COX18: variants seen among roughly 807,000 people sequenced by gnomAD.
COX18 encodes cytochrome c oxidase assembly protein COX18, mitochondrial.
In COX18, 45 loss-of-function variants were observed where a neutral mutation model predicts 38.0. The observed-to-expected ratio is 1.18, with a 90% CI of 0.93 to 1.52. The LOEUF (loss-of-function observed/expected upper bound fraction) is 1.52, where lower values mean the gene tolerates loss of function less well. COX18 is among the 40% of genes most tolerant of loss of function. The probability of loss-of-function intolerance (pLI) is 0.00; values close to 1 mark genes in which losing one functional copy is unlikely to be tolerated. For synonymous variants in COX18, 177 were observed against 169.8 expected (o/e 1.04, Z -0.33); for missense variants, 462 against 423.8 (o/e 1.09, Z -0.79).
rs10610509 is a variant in COX18, at chr4:73,067,954, ATGTGTGTGTGTGTG to A, written c.434+61_434+74del. ...TTATAATTAACATCACAATTTATGT[ATGTGTGTGTGTGTG>A]TGTGTGTGTGTGTGTGTGTGTATGT... On this transcript the variant is annotated intron_variant, in intron 2 of 5. Transcript: ENST00000507544. 674 of 597,478 alleles carry A rather than the reference ATGTGTGTGTGTGTG, an allele frequency of 1.1e-3. 4 individuals are homozygous for A. The highest frequency in any genetic ancestry group is 2.8e-3 in the Middle Eastern group (10 of 3,590). 37.0% of individuals were successfully genotyped at this position (597,478 alleles called of 1,614,324 possible). A position where few individuals can be genotyped will look rare whatever the true frequency, so the allele number is the denominator to read the frequency against.
intron 2 of COX18, among the ~76,000 whole-genome samples, chr4:73,066,945 A>G (rs1260703726): frequency 6.6e-6 from 1 of 152,234 alleles, no homozygotes; most frequent in Non-Finnish European, 1.5e-5. Flanking sequence ...TTGATACCAC[A>G]AAGGCCTTTT....
In COX18 at chr4:73,060,757, G is replaced by A. The variant is rs144333150; in HGVS notation, c.831+1056C>T. On this transcript the variant is annotated intron_variant, in intron 5 of 5. Coordinates refer to ENST00000507544, the MANE Select transcript of COX18 (RefSeq NM_001297732.2). ...TAGCCAAGTGTGGTGGCGTGTGCCT[G>A]TAATCCCAGGTACTAGGGAGGCTGA... 1.2e-3 allele frequency among the ~76,000 whole-genome samples: 178 copies of A among 151,924 alleles called. 1 individual carries two copies. The highest frequency in any genetic ancestry group is 4.0e-3 in the African/African-American group (164 of 41,412).
intron 1 of COX18, 107 bp downstream of exon 1, chr4:73,069,210 C>A (rs1411387080): frequency 1.5e-5 from 12 of 778,638 alleles, no homozygotes; most frequent in Admixed American, 3.0e-5. Context: ...AAACACTAAG[C>A]ACTGCAGAAG....
At chr4:73,063,728 A>G (rs1237095629) in intron 4 of COX18, among the ~76,000 whole-genome samples, 1 of 152,218 alleles carries the variant, frequency 6.6e-6, no homozygotes, top group Non-Finnish European at 1.5e-5. Context: ...GACTACAGGT[A>G]GAGTCTTTCC....
rs745657802 is a variant in COX18 at position 73,056,971 on chromosome 4, C to T, written c.*1143G>A. 3.3e-5 allele frequency: 5 copies of T among 149,972 alleles called. No individual in the cohort carries two copies. Among genetic ancestry groups the T allele is most frequent in the Non-Finnish European group, 7.4e-5 (5 of 67,406 alleles). The allele number at this position is 149,972 out of a possible 1,614,324, so 9.3% of individuals were successfully genotyped here. ...TCCCATCTCTACTAAAAATACAAAACTTAGCTGGGCATGGTGGTGCACCCC... is the reference window on the plus strand; with the variant it reads ...TCCCATCTCTACTAAAAATACAAAATTTAGCTGGGCATGGTGGTGCACCCC... On this transcript the variant is annotated 3_prime_UTR_variant, in exon 6 of 6. Transcript: ENST00000507544.
At position 73,069,594 on chromosome 4, in the gene COX18, C is replaced by T. The variant is rs538027718; in HGVS notation, c.56G>A (p.Trp19Ter). 1 of 1,558,880 alleles carries T rather than the reference C, an allele frequency of 6.4e-7. No individual in the cohort carries two copies. Among genetic ancestry groups the T allele is most frequent in the Non-Finnish European group, 8.7e-7 (1 of 1,154,072 alleles). Residue 19 changes from tryptophan to a stop codon, truncating the protein, a stop_gained, in exon 1 of 6, where the codon TGG becomes TAG. Transcript: ENST00000507544. LOFTEE classifies it high-confidence loss of function. The stretch of plus-strand genomic sequence containing the variant: ...CGGCGCAAGCGGCAGGTCCCTAGCC[C>T]AAAGCTGCAGGGCAGGGAGCGGCCG... ...WLRPLPALQL[W>*]ARDLPLAPVP...
intron 2 of COX18, 137 bp downstream of exon 2, chr4:73,067,887 AAAAAG>A: frequency 8.3e-6 from 1 of 120,458 alleles, no homozygotes; most frequent in African/African-American, 5.2e-5. Flanking sequence ...ATATATATAA[AAAAAG>A]AAATACTTTA....
chr4:73,066,426 A>G (rs1207944076), intron 2 of COX18, among the ~76,000 whole-genome samples: 2 of 152,176 alleles, frequency 1.3e-5, no homozygotes, highest in Admixed American at 6.5e-5. Flanking sequence ...TGTGGCTTGC[A>G]CTTGTAATTC....
chr4:73,069,352 G>T lies in COX18; in HGVS notation c.298C>A (p.Pro100Thr). The T allele has an allele frequency of 6.4e-7, 1 of 1,551,764 alleles. No homozygotes were observed. The highest frequency in any genetic ancestry group is 8.7e-7 in the Non-Finnish European group (1 of 1,148,414). The part of the protein sequence containing the change: ...TVALRGAVTL[P>T]LAAYQHYILA... ...ATGTAGTGCTGGTAGGCTGCCAAAGGCAGCGTGACAGCACCCCGTAAGGCC... is the reference window on the plus strand; with the variant it reads ...ATGTAGTGCTGGTAGGCTGCCAAAGTCAGCGTGACAGCACCCCGTAAGGCC... The change falls in exon 1 of 6, where the codon CCT becomes ACT. Residue 100 changes from proline to threonine, a missense_variant. Physicochemically the swap from Pro to Thr is conservative, Grantham distance 38. Transcript: ENST00000507544.
Position 73,069,680 on chromosome 4 carries a change from G to A in COX18, c.-31C>T, listed in dbSNP as rs781148404. On this transcript the variant is annotated 5_prime_UTR_variant, in exon 1 of 6. Transcript: ENST00000507544. Reference sequence around the variant, plus strand: ...CACCACGGCGGAGCCCAGATCCCGGGCCTCACAATCCAGCGGACATACACC... The same window carrying A: ...CACCACGGCGGAGCCCAGATCCCGGACCTCACAATCCAGCGGACATACACC... 4.4e-5 allele frequency: 67 copies of A among 1,534,116 alleles called. No individual in the cohort carries two copies. In the Middle Eastern group the frequency reaches 8.4e-4, roughly 19 times the overall value.
intron 4 of COX18, 83 bp downstream of exon 4, chr4:73,064,695 C>G (rs1238545206): frequency 1.3e-6 from 2 of 1,514,098 alleles, no homozygotes; most frequent in Non-Finnish European, 9.1e-7. Flanking sequence ...TTCACCAACT[C>G]AAACAAAAAC....
chr4:73,067,022 TGAG>T (rs1030179294), intron 2 of COX18, among the ~76,000 whole-genome samples: 10 of 152,206 alleles, frequency 6.6e-5, no homozygotes, highest in African/African-American at 1.4e-4. Context: ...GGAAACTGAT[TGAG>T]GAGTTGATTG....
At chr4:73,060,055 C>A (rs1343413037) in intron 5 of COX18, among the ~76,000 whole-genome samples, 1 of 152,184 alleles carries the variant, frequency 6.6e-6, no homozygotes, top group East Asian at 1.9e-4. Context: ...TCTATTCCTG[C>A]ATGATAACAA....
chr4:73,058,260 T>C lies in COX18; in HGVS notation c.859A>G (p.Ser287Gly). ...AAATTCTGTGAAAGGCCCACGAAGC[T>C]GGAGCATAACCAGTAGAGAACAATT... ...SSIVLYWLCS[S>G]FVGLSQNLLL... The change falls in exon 6 of 6, where the codon AGC (serine) becomes GGC (glycine). Residue 287 changes from serine (S) to glycine (G), a missense_variant. By Grantham distance (56) the Ser-to-Gly change is moderately conservative. Transcript: ENST00000507544. 1 of 1,613,458 alleles carries C rather than the reference T, an allele frequency of 6.2e-7. No individual in the cohort carries two copies. The highest frequency in any genetic ancestry group is 8.5e-7 in the Non-Finnish European group (1 of 1,179,822).
Position 73,053,193 on chromosome 4 carries a change from C to A in COX18, c.*4921G>T, listed in dbSNP as rs1046903157. ...CTGTGGGAAAACATTTTAAATGGTC[C>A]ATTTTCAAGGCATGATAAATCTAAG... On this transcript the variant is annotated 3_prime_UTR_variant, in exon 6 of 6. Transcript: ENST00000507544. The A allele has an allele frequency of 6.6e-6, 1 of 152,070 alleles. No individual in the cohort carries two copies. Among genetic ancestry groups the A allele is most frequent in the African/African-American group, 2.4e-5 (1 of 41,396 alleles). The allele number at this position is 152,070 out of a possible 1,614,324, so 9.4% of individuals were successfully genotyped here. A position where few individuals can be genotyped will look rare whatever the true frequency, so the allele number is the denominator to read the frequency against.
intron 2 of COX18, among the ~76,000 whole-genome samples, chr4:73,067,228 C>T (rs1720490347): frequency 6.6e-6 from 1 of 152,164 alleles, no homozygotes; most frequent in Admixed American, 6.5e-5. Context: ...TTCCTGTAGG[C>T]TATTACCTGC....
chr4:73,052,403 T>C lies in COX18; in HGVS notation c.*5711A>G, dbSNP rs1719768225. 1 of 152,022 alleles carries C rather than the reference T, an allele frequency of 6.6e-6. No homozygotes were observed. The allele number at this position is 152,022 out of a possible 1,614,324, so 9.4% of individuals were successfully genotyped here. On this transcript the variant is annotated 3_prime_UTR_variant, in exon 6 of 6. Transcript: ENST00000507544. The stretch of plus-strand genomic sequence containing the variant: ...ATTTTTATTTTTATATAAATTTATA[T>C]TCTTATTTTAGTTGTATACACAGTA...
intron 3 of COX18, 97 bp from the exon 4 acceptor site, chr4:73,064,999 G>A: frequency 8.3e-7 from 1 of 1,210,496 alleles, no homozygotes; most frequent in Non-Finnish European, 1.2e-6. Context: ...CCAATAAGGT[G>A]TCCCTCACAG....
intron 4 of COX18, 88 bp from the exon 5 acceptor site, chr4:73,062,008 TGGC>T: frequency 2.1e-5 from 11 of 535,244 alleles, no homozygotes; most frequent in South Asian, 8.0e-5. Flanking sequence ...GATTTTTCAC[TGGC>T]CTCCATCTAC....
Sources: gnomAD v4.1 joint callset for allele counts (sites outside exome capture counted in the v4.1 genomes callset) on GRCh38, gnomAD v4.1.1 for gene constraint, MANE v1.5 for transcripts, NCBI Gene and HGNC (gene_info 2026-07-23, HGNC 2026-07-21) for gene names.